NSUN6: variants seen among roughly 807,000 people sequenced by gnomAD.
The protein encoded by NSUN6 is tRNA (cytosine(72)-C(5))-methyltransferase NSUN6.
In NSUN6, 64 loss-of-function variants were observed where a neutral mutation model predicts 58.0. The observed-to-expected ratio is 1.10, with a 90% CI of 0.90 to 1.36. NSUN6 has a LOEUF of 1.36. Among genes scored for constraint, NSUN6 ranks in the 40% most tolerant of loss-of-function variants. The pLI is 0.00. For synonymous variants in NSUN6, 231 were observed against 193.9 expected, an observed-to-expected ratio of 1.19 and a Z score of -1.59; for missense variants, 701 against 550.1, an observed-to-expected ratio of 1.27 and a Z score of -2.74.
intron 9 of NSUN6, among the ~76,000 whole-genome samples, chr10:18,551,244 TTGTGTGTGTGTGTGTGTGTGTG>T (rs35396134): frequency 2.4e-5 from 3 of 127,080 alleles, no homozygotes; most frequent in Middle Eastern, 4.2e-3. Flanking sequence ...GTCCTCTCAG[TTGTGTGTGTGTGTGTGTGTGTG>T]TGTGTGTGTG....
Position 18,545,889 on chromosome 10 carries a change from C to T in NSUN6, c.*44G>A. ...TGGTTAAAAAAAAAAAAACCACAGA[C>T]AGCAAATGTTTGGAATTTTCATTTC... On this transcript the variant is annotated 3_prime_UTR_variant, in exon 11 of 11. Transcript: ENST00000377304. 1.3e-6 allele frequency: 1 copy of T among 751,420 alleles called. No homozygotes were observed. The highest frequency in any genetic ancestry group is 1.7e-5 in the South Asian group (1 of 57,548). The allele number at this position is 751,420 out of a possible 1,614,324, so 46.5% of individuals were successfully genotyped here.
intron 6 of NSUN6, among the ~76,000 whole-genome samples, chr10:18,603,387 T>G (rs772590349): frequency 3.8e-4 from 58 of 152,076 alleles, no homozygotes; most frequent in Non-Finnish European, 3.5e-4. Flanking sequence ...GTAAATAAGA[T>G]CTCTCTGCTC....
At chr10:18,601,592 T>TC (rs2057841235) in intron 6 of NSUN6, among the ~76,000 whole-genome samples, 2 of 152,160 alleles carry the variant, frequency 1.3e-5, no homozygotes, top group African/African-American at 4.8e-5. Flanking sequence ...GAGCTGAGGT[T>TC]CCCTACATTG....
At chr10:18,585,147 A>AC (rs1351110780) in intron 8 of NSUN6, among the ~76,000 whole-genome samples, 1 of 152,198 alleles carries the variant, frequency 6.6e-6, no homozygotes, top group Non-Finnish European at 1.5e-5. Context: ...CATCATTAAA[A>AC]ACACACACAC....
intron 2 of NSUN6, among the ~76,000 whole-genome samples, chr10:18,643,360 GACA>G (rs766038400): frequency 1.1e-4 from 17 of 151,864 alleles, no homozygotes; most frequent in Non-Finnish European, 1.8e-4. Context: ...GCAAATATCT[GACA>G]ACAAGTCTGC....
intron 2 of NSUN6, among the ~76,000 whole-genome samples, chr10:18,647,485 A>C (rs939730344): frequency 6.6e-6 from 1 of 152,248 alleles, no homozygotes; most frequent in African/African-American, 2.4e-5. Context: ...CAAAGCTTTC[A>C]AAAGCAAAAG....
intron 3 of NSUN6, among the ~76,000 whole-genome samples, chr10:18,635,145 G>C (rs1285750519): frequency 1.3e-5 from 2 of 152,196 alleles, no homozygotes; most frequent in Admixed American, 6.5e-5. Context: ...CCAAGCCTCT[G>C]ATGAGCTTTT....
chr10:18,622,529 C>A lies in NSUN6; in HGVS notation c.312-6236G>T, dbSNP rs773465977. Reference sequence around the variant, plus strand: ...AGGAGTTCGAGACCAGCCTGGCCAACATGGTGAAACCCTGTCTCTACTAAA... The same window carrying A: ...AGGAGTTCGAGACCAGCCTGGCCAAAATGGTGAAACCCTGTCTCTACTAAA... On this transcript the variant is annotated intron_variant, in intron 3 of 10. Transcript: ENST00000377304. Among the ~76,000 whole-genome samples, 13 of 152,288 alleles carry A rather than the reference C, an allele frequency of 8.5e-5. No individual in the cohort carries two copies. The South Asian group carries it at 2.3e-3, about 27-fold the overall frequency.
chr10:18,571,295 T>C (rs537000331), intron 8 of NSUN6, among the ~76,000 whole-genome samples: 1 of 148,354 alleles, frequency 6.7e-6, no homozygotes, highest in Admixed American at 6.7e-5. Flanking sequence ...CATTCCCTTC[T>C]TTTCTCCATT....
chr10:18,574,818 C>A (rs541335419), intron 8 of NSUN6, among the ~76,000 whole-genome samples: 2 of 152,226 alleles, frequency 1.3e-5, no homozygotes, highest in African/African-American at 4.8e-5. Flanking sequence ...GAGCTAATCA[C>A]CCGAGTACTG....
intron 8 of NSUN6, among the ~76,000 whole-genome samples, chr10:18,558,799 C>T (rs1564715165): frequency 7.2e-6 from 1 of 138,418 alleles, no homozygotes; most frequent in Non-Finnish European, 1.6e-5. Context: ...ATGGAATGGA[C>T]AATGGAATGG....
chr10:18,552,612 CCATTCCGCATTCCATTT>C lies in NSUN6; in HGVS notation c.923-658_923-642del, dbSNP rs1366578479. 2.4e-3 allele frequency among the ~76,000 whole-genome samples: 366 copies of C among 152,154 alleles called. 2 individuals are homozygous for C. Among genetic ancestry groups the C allele is most frequent in the African/African-American group, 8.1e-3 (337 of 41,530 alleles). On this transcript the variant is annotated intron_variant, in intron 8 of 10. Coordinates refer to ENST00000377304, the MANE Select transcript of NSUN6 (RefSeq NM_182543.5). ...TCTACCTGCTACCAAGATTTCCATTCCATTCCGCATTCCATTTCATTCCGCATTCCATTCCATTCCCC... is the reference window on the plus strand; with the variant it reads ...TCTACCTGCTACCAAGATTTCCATTCCATTCCGCATTCCATTCCATTCCCC...
At chr10:18,576,872 GC>G (rs1176863941) in intron 8 of NSUN6, among the ~76,000 whole-genome samples, 1 of 152,082 alleles carries the variant, frequency 6.6e-6, no homozygotes, top group Non-Finnish European at 1.5e-5. Flanking sequence ...TTTCACCCTG[GC>G]ATTTCATCAA....
chr10:18,649,456 T>C (rs1165048321), intron 1 of NSUN6, among the ~76,000 whole-genome samples: 1 of 151,994 alleles, frequency 6.6e-6, no homozygotes, highest in Non-Finnish European at 1.5e-5. Context: ...TGAAACCCCA[T>C]CACTACAAAC....
In NSUN6 at chr10:18,609,867, A is replaced by G. The variant is rs1023048322; in HGVS notation, c.635T>C (p.Leu212Pro). The G allele has an allele frequency of 6.3e-7, 1 of 1,590,076 alleles. No individual in the cohort carries two copies. Among genetic ancestry groups the G allele is most frequent in the African/African-American group, 1.3e-5 (1 of 74,578 alleles). ...TACTTGTAAAAATAAGTAACGGGGC[A>G]GTACACTGTCAAATGAAGGGCTGAG... The part of the protein sequence containing the change: ...VYLSPSFDSV[L>P]PRYLFLQNLP... Residue 212 changes from leucine to proline, a missense_variant, in exon 6 of 11, where the codon CTG becomes CCG. By Grantham distance (98) the Leu-to-Pro change is moderately conservative (BLOSUM62 -3). Transcript: ENST00000377304.
chr10:18,640,719 A>G (rs564693500), intron 3 of NSUN6, among the ~76,000 whole-genome samples: 1 of 152,314 alleles, frequency 6.6e-6, no homozygotes, highest in Non-Finnish European at 1.5e-5. Context: ...AACAAACTAA[A>G]CATTTAAGAT....
At chr10:18,573,675 A>C (rs1187680988) in intron 8 of NSUN6, among the ~76,000 whole-genome samples, 1 of 152,198 alleles carries the variant, frequency 6.6e-6, no homozygotes, top group Admixed American at 6.6e-5. Flanking sequence ...TGACTTCTCT[A>C]CACATATTCT....
At chr10:18,659,264 A>C, upstream of NSUN6, 1 of 240,422 alleles carries the variant, frequency 4.2e-6, no homozygotes, top group Non-Finnish European at 8.0e-6. Context: ...GCCACGTCGA[A>C]GGCGTGGGTT....
intron 2 of NSUN6, among the ~76,000 whole-genome samples, chr10:18,646,506 G>A (rs186297477): frequency 1.4e-3 from 208 of 151,688 alleles, no homozygotes; most frequent in Non-Finnish European, 2.3e-3. Flanking sequence ...ATCCAGACTA[G>A]GATGCTAAAA....
Sources: allele counts gnomAD v4.1 joint callset (sites outside exome capture counted in the v4.1 genomes callset), GRCh38; gene constraint gnomAD v4.1.1; transcripts MANE v1.5; gene names NCBI Gene and HGNC (gene_info 2026-07-23, HGNC 2026-07-21).